KCNN2: variants seen among roughly 807,000 people sequenced by gnomAD.
KCNN2 encodes the protein potassium calcium-activated channel subfamily N member 2.
In KCNN2, 24 loss-of-function variants were observed where a neutral mutation model predicts 55.5. That is an observed-to-expected ratio of 0.43 (90% CI 0.31 to 0.61). The LOEUF (loss-of-function observed/expected upper bound fraction) is 0.61, where lower values mean the gene tolerates loss of function less well. Among genes scored for constraint, KCNN2 ranks in the 20% least tolerant of loss-of-function variants. KCNN2 has a pLI of 0.08. For synonymous variants in KCNN2, 431 were observed against 336.1 expected, an observed-to-expected ratio of 1.28 and a Z score of -3.09; for missense variants, 754 against 853.6, an observed-to-expected ratio of 0.88 and a Z score of 1.45.
intron 3 of KCNN2, among the ~76,000 whole-genome samples, chr5:114,454,213 A>G (rs910157535): frequency 4.6e-5 from 7 of 152,168 alleles, no homozygotes; most frequent in African/African-American, 1.7e-4. Context: ...TATAATTTAC[A>G]TAGTTCAGGA....
At chr5:114,472,492 G>T (rs1159295165) in intron 4 of KCNN2, among the ~76,000 whole-genome samples, 2 of 152,020 alleles carry the variant, frequency 1.3e-5, no homozygotes, top group African/African-American at 4.8e-5. Context: ...TATCTCTGTT[G>T]CCCAGGTTAA....
intron 5 of KCNN2, among the ~76,000 whole-genome samples, chr5:114,481,509 C>A (rs1376878473): frequency 1.3e-5 from 2 of 152,260 alleles, no homozygotes; most frequent in South Asian, 4.2e-4. Flanking sequence ...ATTAAACTAC[C>A]ATTGCCATTC....
chr5:114,305,407 G>A (rs575304747), intron 2 of KCNN2, among the ~76,000 whole-genome samples: 3 of 152,256 alleles, frequency 2.0e-5, no homozygotes, highest in African/African-American at 7.2e-5. Flanking sequence ...AACATGGAGT[G>A]GGGGTTCCTT....
intron 1 of KCNN2, among the ~76,000 whole-genome samples, chr5:114,205,157 TG>T (rs1934525413): frequency 6.6e-6 from 1 of 152,090 alleles, no homozygotes; most frequent in Admixed American, 6.5e-5. Flanking sequence ...TAGGCAGAAT[TG>T]ACTAAATTCT....
chr5:114,421,694 C>A (rs1759476238), intron 3 of KCNN2, among the ~76,000 whole-genome samples: 1 of 151,928 alleles, frequency 6.6e-6, no homozygotes. Context: ...ACTGCAACCT[C>A]TGCTTCCCAG....
In KCNN2 at chr5:114,154,948, A is replaced by G. The variant is rs547970239; in HGVS notation, c.-270-66532A>G. On this transcript the variant is annotated intron_variant, in intron 1 of 10. Coordinates refer to the KCNN2 transcript ENST00000512097. ...ACGTTTGTTACATAGGCAAACTTTC[A>G]TCATGGGGGTTTGTTGTATAGATTA... 8.3e-4 allele frequency among the ~76,000 whole-genome samples: 127 copies of G among 152,172 alleles called. 1 individual carries two copies. The highest frequency in any genetic ancestry group is 1.6e-3 in the Non-Finnish European group (110 of 67,988).
intron 3 of KCNN2, among the ~76,000 whole-genome samples, chr5:114,412,075 A>C (rs1037053518): frequency 6.6e-6 from 1 of 152,216 alleles, no homozygotes; most frequent in Admixed American, 6.5e-5. Context: ...AGAATATCTC[A>C]TTTTGTAACT....
rs1227477516 is a variant in KCNN2 at position 114,173,441 on chromosome 5, TG to T, written c.-270-48038del. Among the ~76,000 whole-genome samples, 37 of 16,494 alleles carry T rather than the reference TG, an allele frequency of 2.2e-3. 1 individual carries two copies. Among genetic ancestry groups the T allele is most frequent in the Admixed American group, 0.019 (36 of 1,894 alleles). The allele number at this position is 16,494 out of a possible 152,430, so 10.8% of individuals were successfully genotyped here. A position where few individuals can be genotyped will look rare whatever the true frequency, so the allele number is the denominator to read the frequency against. On this transcript the variant is annotated intron_variant, in intron 1 of 10. Coordinates refer to the KCNN2 transcript ENST00000512097. ...GGGTTTTTTGTTTTTGTTTTGTTTG[TG>T]TGTGTGTGTGTGTGTGTGTGTGTGT...
chr5:114,180,384 C>G (rs968339690), intron 1 of KCNN2, among the ~76,000 whole-genome samples: 8 of 152,074 alleles, frequency 5.3e-5, no homozygotes, highest in Admixed American at 2.6e-4. Flanking sequence ...ATTTATAACC[C>G]TAACAATTAT....
intron 1 of KCNN2, among the ~76,000 whole-genome samples, chr5:114,141,969 G>A (rs1752290783): frequency 6.6e-6 from 1 of 152,102 alleles, no homozygotes; most frequent in African/African-American, 2.4e-5. Flanking sequence ...CCCACTTTTT[G>A]ATGGGGTTGT....
chr5:114,150,511 A>T (rs1396601246), intron 1 of KCNN2, among the ~76,000 whole-genome samples: 1 of 152,214 alleles, frequency 6.6e-6, no homozygotes, highest in Non-Finnish European at 1.5e-5. Context: ...AGCATGAAAG[A>T]CCAAAGATAC....
At chr5:114,477,675 T>TATTA (rs1201112311) in intron 5 of KCNN2, among the ~76,000 whole-genome samples, 1 of 152,218 alleles carries the variant, frequency 6.6e-6, no homozygotes, top group Non-Finnish European at 1.5e-5. Context: ...TTTGGAAATA[T>TATTA]ATTATTATTA....
chr5:114,433,884 C>A (rs534246881), intron 3 of KCNN2: 232 of 157,440 alleles, frequency 1.5e-3, no homozygotes, highest in African/African-American at 4.1e-3. Flanking sequence ...TCCGGGGCTT[C>A]GTTCTTGAAG....
rs150408879 is a variant in KCNN2 at position 114,305,362 on chromosome 5, G to A, written c.-184-55583G>A. ...GCAGGCCAAGGCAGGCTGGTGGGTG[G>A]GCTCACATAGAGTGTTAGGCTCAGG... is the stretch of plus-strand genomic sequence containing the variant. On this transcript the variant is annotated intron_variant, in intron 2 of 10. Coordinates refer to the KCNN2 transcript ENST00000512097. 3.6e-3 allele frequency among the ~76,000 whole-genome samples: 546 copies of A among 152,284 alleles called. 5 individuals carry two copies. Among genetic ancestry groups the A allele is most frequent in the African/African-American group, 0.013 (531 of 41,564 alleles).
At chr5:114,388,063 A>C (rs1166436031) in intron 2 of KCNN2, among the ~76,000 whole-genome samples, 1 of 152,160 alleles carries the variant, frequency 6.6e-6, no homozygotes, top group Non-Finnish European at 1.5e-5. Context: ...TAGTATTTGC[A>C]TTCTTTCAAT....
chr5:114,095,580 A>G (rs1424273693), intron 1 of KCNN2, among the ~76,000 whole-genome samples: 1 of 152,236 alleles, frequency 6.6e-6, no homozygotes, highest in Non-Finnish European at 1.5e-5. Context: ...AGCAAATGGC[A>G]GAACCAAGAT....
intron 2 of KCNN2, among the ~76,000 whole-genome samples, chr5:114,376,119 G>T (rs969168457): frequency 2.0e-5 from 3 of 151,932 alleles, no homozygotes; most frequent in African/African-American, 7.2e-5. Context: ...CTTACACTGG[G>T]GAATGAAGAT....
At chr5:114,074,720 G>T (rs1750651827) in intron 1 of KCNN2, among the ~76,000 whole-genome samples, 1 of 152,138 alleles carries the variant, frequency 6.6e-6, no homozygotes, top group Non-Finnish European at 1.5e-5. Context: ...TTTTCCAACT[G>T]CCCAGAGAGA....
chr5:114,123,020 A>C (rs1180474509), intron 1 of KCNN2, among the ~76,000 whole-genome samples: 2 of 152,232 alleles, frequency 1.3e-5, no homozygotes, highest in African/African-American at 4.8e-5. Context: ...ATCCCAGAGC[A>C]GACTTAATGT....
Sources: allele counts gnomAD v4.1 joint callset (sites outside exome capture counted in the v4.1 genomes callset), GRCh38; gene constraint gnomAD v4.1.1; transcripts MANE v1.5; gene names NCBI Gene and HGNC (gene_info 2026-07-23, HGNC 2026-07-21).